The following GALNT9 variants were observed in gnomAD, a reference collection of about 807,000 sequenced individuals.
GALNT9 encodes the protein polypeptide N-acetylgalactosaminyltransferase 9, also known as GalNAc transferase 9.
GALNT9 carries 47 observed loss-of-function variants against 63.1 expected under a neutral mutation model. The observed-to-expected ratio is 0.75, with a 90% CI of 0.59 to 0.95. The LOEUF (loss-of-function observed/expected upper bound fraction) is 0.95. Ranked by LOEUF, GALNT9 falls within the 40% of genes least tolerant of loss-of-function variation. The probability of loss-of-function intolerance (pLI) is 0.00; values close to 1 mark genes in which losing one functional copy is unlikely to be tolerated. For synonymous variants in GALNT9, 396 were observed against 365.7 expected (o/e 1.08, Z -0.94); for missense variants, 829 against 874.8 (o/e 0.95, Z 0.66).
chr12:132,240,593 G>A (rs2136898764), intron 6 of GALNT9: 1 of 455,702 alleles, frequency 2.2e-6, no homozygotes, highest in African/African-American at 2.0e-5. Context: ...GCTCGGCTGT[G>A]GGCTCCGTGC....
chr12:132,316,973 G>A lies in GALNT9; in HGVS notation c.238+11993C>T, dbSNP rs560889035. On this transcript the variant is annotated intron_variant, in intron 1 of 10. Coordinates refer to ENST00000328957, the MANE Select transcript of GALNT9 (RefSeq NM_001122636.2). This position sits in a 1 kb window ranked among gnomAD's most constrained non-coding sequence, Gnocchi z 4.3. ...CAGCCTGCACCCTACACCCCACGGAGCATGGTCCTATTCTACACCCACAGA... is the reference window on the plus strand; with the variant it reads ...CAGCCTGCACCCTACACCCCACGGAACATGGTCCTATTCTACACCCACAGA... Among the ~76,000 whole-genome samples the A allele has an allele frequency of 1.7e-5, 2 of 114,848 alleles. No homozygotes were observed. Among genetic ancestry groups the A allele is most frequent in the South Asian group, 6.6e-4 (2 of 3,046 alleles). The allele number at this position is 114,848 out of a possible 152,430, so 75.3% of individuals were successfully genotyped here.
chr12:132,284,698 C>G (rs1880518916), intron 2 of GALNT9: 1 of 152,296 alleles, frequency 6.6e-6, no homozygotes, highest in African/African-American at 2.4e-5. Flanking sequence ...CAGGAGGAAT[C>G]AGAGCCTCGG....
At chr12:132,288,713 G>A (rs541047098) in intron 1 of GALNT9, among the ~76,000 whole-genome samples, 44 of 151,442 alleles carry the variant, frequency 2.9e-4, no homozygotes, top group African/African-American at 1.0e-3. Flanking sequence ...GCTGAGCGTC[G>A]TTCTGGACGG....
Position 132,279,767 on chromosome 12 carries a change from T to C in GALNT9, c.419+6483A>G, listed in dbSNP as rs1300379189. 5.9e-5 allele frequency: 9 copies of C among 152,328 alleles called. No homozygotes were observed. Among genetic ancestry groups the C allele is most frequent in the African/African-American group, 2.2e-4 (9 of 41,458 alleles). 9.4% of individuals were successfully genotyped at this position (152,328 alleles called of 1,614,324 possible). A position where few individuals can be genotyped will look rare whatever the true frequency, so the allele number is the denominator to read the frequency against. ...GCGGTCACTTCCTGGATCCAATTCCTGGATGCCCAGTGTCCGCCGGGTCTC... is the reference window on the plus strand; with the variant it reads ...GCGGTCACTTCCTGGATCCAATTCCCGGATGCCCAGTGTCCGCCGGGTCTC... On this transcript the variant is annotated intron_variant, in intron 2 of 10. Transcript: ENST00000328957. The surrounding 1 kb of genome is among the most constrained non-coding windows in gnomAD (Gnocchi z 4.1).
intron 6 of GALNT9, among the ~76,000 whole-genome samples, chr12:132,204,940 TCCC>T (rs769789078): frequency 3.3e-5 from 5 of 151,518 alleles, no homozygotes; most frequent in African/African-American, 7.3e-5. Flanking sequence ...ATCTCCTGAA[TCCC>T]CCCACCACCC....
At position 132,249,285 on chromosome 12, in the gene GALNT9, C is replaced by T. The variant is rs535851999; in HGVS notation, c.960-1258G>A. On this transcript the variant is annotated intron_variant, in intron 5 of 10. Coordinates refer to ENST00000328957, the MANE Select transcript of GALNT9 (RefSeq NM_001122636.2). ...ATGCCACGGCAGGCCGCCCTGCAGG[C>T]CTTGAGCTTCCCTGATCCTCCTCTG... Among the ~76,000 whole-genome samples the T allele has an allele frequency of 2.0e-5, 3 of 152,348 alleles. No individual in the cohort carries two copies. The East Asian group carries it at 5.8e-4, about 29-fold the overall frequency.
At chr12:132,322,916 T>C (rs1868870544) in intron 1 of GALNT9, among the ~76,000 whole-genome samples, 1 of 152,128 alleles carries the variant, frequency 6.6e-6, no homozygotes, top group African/African-American at 2.4e-5. Flanking sequence ...GGGGCGGCCA[T>C]CGCTCTCCTG....
At chr12:132,325,265 T>C (rs1332379189) in intron 1 of GALNT9, among the ~76,000 whole-genome samples, 3 of 152,164 alleles carry the variant, frequency 2.0e-5, no homozygotes, top group Non-Finnish European at 4.4e-5. Context: ...AACAATGAAT[T>C]GTTTGGAGAA....
Position 132,329,032 on chromosome 12 carries a change from C to A in GALNT9, c.172G>T (p.Gly58Trp), listed in dbSNP as rs1555246730. 1.9e-5 allele frequency: 29 copies of A among 1,545,330 alleles called. No individual in the cohort carries two copies. Among genetic ancestry groups the A allele is most frequent in the Non-Finnish European group, 2.4e-5 (28 of 1,146,078 alleles). Reference sequence around the variant, plus strand: ...CGCTGCAGGATGGCCTCACGGTCCCCCAGCGTGCCCACCTTGGCGTGTCGG... The same window carrying A: ...CGCTGCAGGATGGCCTCACGGTCCCACAGCGTGCCCACCTTGGCGTGTCGG... ...RSRHAKVGTL[G>W]DREAILQRLD... The change falls in exon 1 of 11, where the codon GGG becomes TGG. Residue 58 changes from glycine to tryptophan, a missense_variant. By Grantham distance (184) the Gly-to-Trp change is radical. Transcript: ENST00000328957.
At position 132,238,715 on chromosome 12, in the gene GALNT9, G is replaced by T. The variant is rs1555236564; in HGVS notation, c.1077+9195C>A. ...CTCTGGGCCTCAGCTCCTCCCCAGG[G>T]CTGTGGGAGGGGCCAGGAGAATGAC... On this transcript the variant is annotated intron_variant, in intron 6 of 10. Coordinates refer to ENST00000328957, the MANE Select transcript of GALNT9 (RefSeq NM_001122636.2). This position sits in a 1 kb window ranked among gnomAD's most constrained non-coding sequence, Gnocchi z 6.5. Among the ~76,000 whole-genome samples the T allele has an allele frequency of 6.6e-6, 1 of 152,152 alleles. No individual in the cohort carries two copies. Among genetic ancestry groups the T allele is most frequent in the African/African-American group, 2.4e-5 (1 of 41,428 alleles).
intron 3 of GALNT9, 34 bp downstream of exon 3, chr12:132,262,425 C>A (rs782216703): frequency 6.5e-7 from 1 of 1,529,934 alleles, no homozygotes; most frequent in South Asian, 1.2e-5. Context: ...GGCAGCCGCC[C>A]GGCGAGCACC....
chr12:132,198,039 C>T (rs1014225381), intron 9 of GALNT9, 80 bp from the exon 10 acceptor site: 44 of 1,208,400 alleles, frequency 3.6e-5, no homozygotes, highest in Non-Finnish European at 3.8e-5. Context: ...GTGCGAGCTG[C>T]CTTGAGCTGC....
At chr12:132,303,715 A>G (rs868947274) in intron 1 of GALNT9, among the ~76,000 whole-genome samples, 5 of 23,994 alleles carry the variant, frequency 2.1e-4, no homozygotes, top group East Asian at 5.6e-3. Flanking sequence ...GCACACCCTC[A>G]CCCGGGCACA....
At chr12:132,303,951 C>T (rs1881441268) in intron 1 of GALNT9, among the ~76,000 whole-genome samples, 1 of 42,854 alleles carries the variant, frequency 2.3e-5, no homozygotes, top group Admixed American at 2.5e-4. Flanking sequence ...CCGGGCACAC[C>T]CTCACCTGGG....
chr12:132,260,519 C>G (rs1555239619), intron 4 of GALNT9, among the ~76,000 whole-genome samples: 1 of 152,224 alleles, frequency 6.6e-6, no homozygotes, highest in East Asian at 1.9e-4. Flanking sequence ...AGTGACTGAG[C>G]AGGGCCTGAG....
At position 132,223,031 on chromosome 12, in the gene GALNT9, TA is replaced by T. The variant is rs1877527118; in HGVS notation, c.1078-19342del. Reference sequence around the variant, plus strand: ...CACAACCCACACCCTACACAACCCGTACCCCACACACACAGACACACCACAC... The same window carrying T: ...CACAACCCACACCCTACACAACCCGTCCCCACACACACAGACACACCACAC... On this transcript the variant is annotated intron_variant, in intron 6 of 10. Coordinates refer to ENST00000328957, the MANE Select transcript of GALNT9 (RefSeq NM_001122636.2). 1.6e-4 allele frequency among the ~76,000 whole-genome samples: 2 copies of T among 12,276 alleles called. 1 individual carries two copies. The highest frequency in any genetic ancestry group is 3.1e-4 in the Non-Finnish European group (2 of 6,484). 8.1% of individuals were successfully genotyped at this position (12,276 alleles called of 152,430 possible). A position where few individuals can be genotyped will look rare whatever the true frequency, so the allele number is the denominator to read the frequency against.
chr12:132,223,045 A>C (rs2135521429), intron 6 of GALNT9, among the ~76,000 whole-genome samples: 1 of 62,938 alleles, frequency 1.6e-5, no homozygotes, highest in African/African-American at 6.4e-5. Context: ...CCACACACAC[A>C]GACACACCAC....
intron 6 of GALNT9, among the ~76,000 whole-genome samples, chr12:132,237,136 C>G (rs1218827402): frequency 1.3e-5 from 2 of 152,140 alleles, no homozygotes; most frequent in African/African-American, 4.8e-5. Flanking sequence ...TGAGGCTGTG[C>G]AGGCAGTGTG....
intron 6 of GALNT9, among the ~76,000 whole-genome samples, chr12:132,220,568 T>A (rs776265963): frequency 6.6e-6 from 1 of 152,230 alleles, no homozygotes; most frequent in Non-Finnish European, 1.5e-5. Context: ...CTCGAATTGC[T>A]GTCTGGATGT....
Sources: gnomAD v4.1 joint callset for allele counts (sites outside exome capture counted in the v4.1 genomes callset) on GRCh38, gnomAD v4.1.1 for gene constraint, Gnocchi (gnomAD v3.1) non-coding constraint, MANE v1.5 for transcripts, NCBI Gene and HGNC (gene_info 2026-07-23, HGNC 2026-07-21) for gene names.